Variants in CD247 observed in about 807,000 individuals in gnomAD.
CD247 encodes the protein CD247 molecule.
CD247 carries 13 observed loss-of-function variants against 30.0 expected under a neutral mutation model. The observed-to-expected ratio is 0.43, with a 90% confidence interval of 0.28 to 0.69. The LOEUF (loss-of-function observed/expected upper bound fraction) is 0.69. CD247 is among the 30% of genes least tolerant of loss of function. The pLI is 0.16. For synonymous variants in CD247, 72 were observed against 80.0 expected (o/e 0.90, Z 0.53); for missense variants, 193 against 212.6 (o/e 0.91, Z 0.57).
chr1:167,514,603 C>T (rs1218442840), intron 1 of CD247, among the ~76,000 whole-genome samples: 2 of 149,394 alleles, frequency 1.3e-5, no homozygotes, highest in Admixed American at 6.7e-5. Context: ...GTCTAATGAC[C>T]GGTTTAATTT....
rs529795609 is a variant in CD247, at chr1:167,433,922, A to C, written c.393+98T>G. ...TGATGGCCACCACATGGGCATTTGC[A>C]GCTGGGATGAGAAGTGGATGGGAAA... On this transcript the variant is annotated intron_variant, in intron 6 of 7. Coordinates refer to ENST00000362089, the MANE Select transcript of CD247 (RefSeq NM_198053.3). The C allele has an allele frequency of 2.7e-6, 3 of 1,105,602 alleles. No homozygotes were observed. The South Asian group carries it at 3.7e-5, about 14-fold the overall frequency. 68.5% of individuals were successfully genotyped at this position (1,105,602 alleles called of 1,614,324 possible). A position where few individuals can be genotyped will look rare whatever the true frequency, so the allele number is the denominator to read the frequency against.
chr1:167,452,039 A>G (rs1339485531), intron 1 of CD247, among the ~76,000 whole-genome samples: 2 of 152,204 alleles, frequency 1.3e-5, no homozygotes, highest in African/African-American at 4.8e-5. Context: ...CCTGGCCAAC[A>G]TGGCTAAACC....
intron 1 of CD247, among the ~76,000 whole-genome samples, chr1:167,516,732 T>A (rs1655620176): frequency 6.6e-6 from 1 of 152,190 alleles, no homozygotes; most frequent in Admixed American, 6.5e-5. Context: ...TAAGTGGCAC[T>A]GAGAAGCAAA....
intron 4 of CD247, among the ~76,000 whole-genome samples, chr1:167,436,581 A>G (rs184604990): frequency 4.6e-5 from 7 of 152,368 alleles, no homozygotes; most frequent in African/African-American, 1.4e-4. Context: ...ATTGGACCTT[A>G]TCTCACACCG....
At chr1:167,476,616 A>C (rs1351289818) in intron 1 of CD247, among the ~76,000 whole-genome samples, 1 of 152,192 alleles carries the variant, frequency 6.6e-6, no homozygotes, top group Non-Finnish European at 1.5e-5. Context: ...TGAGCTGAGA[A>C]GTTTGAGACC....
chr1:167,513,443 T>C (rs1240623945), intron 1 of CD247, among the ~76,000 whole-genome samples: 1 of 152,202 alleles, frequency 6.6e-6, no homozygotes, highest in Non-Finnish European at 1.5e-5. Context: ...CCGTCAGTGA[T>C]TTTTATATCT....
intron 1 of CD247, among the ~76,000 whole-genome samples, chr1:167,450,167 AAGCTTT>A (rs1298095347): frequency 3.3e-5 from 5 of 152,132 alleles, no homozygotes; most frequent in African/African-American, 1.2e-4. Context: ...TTCATTCCTA[AAGCTTT>A]TTACAGGATT....
intron 5 of CD247, chr1:167,434,606 G>GCA (rs200283868): frequency 2.5e-5 from 9 of 365,300 alleles, no homozygotes; most frequent in Admixed American, 7.2e-5. Context: ...CCTTCCTATA[G>GCA]GGGGGTACAC....
chr1:167,462,322 A>G (rs1162032956), intron 1 of CD247, among the ~76,000 whole-genome samples: 1 of 152,234 alleles, frequency 6.6e-6, no homozygotes, highest in Non-Finnish European at 1.5e-5. Flanking sequence ...CTGTGACCAT[A>G]GAAGAGGCCT....
intron 1 of CD247, among the ~76,000 whole-genome samples, chr1:167,512,657 T>C (rs1655438574): frequency 6.6e-6 from 1 of 152,212 alleles, no homozygotes; most frequent in South Asian, 2.1e-4. Context: ...ATTTTGCAGA[T>C]TGGGAAACTG....
At chr1:167,438,759 G>C in intron 3 of CD247, 109 bp from the exon 4 acceptor site, 1 of 850,876 alleles carries the variant, frequency 1.2e-6, no homozygotes. Flanking sequence ...CATAAAAAGA[G>C]GGGCAGGGGC....
intron 1 of CD247, chr1:167,457,621 C>G (rs1652760793): frequency 6.6e-6 from 1 of 152,290 alleles, no homozygotes; most frequent in African/African-American, 2.4e-5. Context: ...TTGCCCAGAG[C>G]TCTCCATCCA....
At chr1:167,486,614 C>A (rs959966989) in intron 1 of CD247, among the ~76,000 whole-genome samples, 3 of 152,248 alleles carry the variant, frequency 2.0e-5, no homozygotes, top group African/African-American at 7.2e-5. Flanking sequence ...CTGTTTCCCA[C>A]GCTTCAGAGG....
intron 1 of CD247, among the ~76,000 whole-genome samples, chr1:167,472,890 T>A (rs958198468): frequency 1.3e-5 from 2 of 152,196 alleles, no homozygotes; most frequent in Non-Finnish European, 2.9e-5. Context: ...GAGAGGATTC[T>A]TTGTGTGTCC....
chr1:167,518,022 C>T (rs916844265), intron 1 of CD247, among the ~76,000 whole-genome samples: 1 of 152,182 alleles, frequency 6.6e-6, no homozygotes, highest in African/African-American at 2.4e-5. Context: ...GGGACTAGAA[C>T]GTCGCAGCAC....
At chr1:167,491,132 G>A (rs566598536) in intron 1 of CD247, among the ~76,000 whole-genome samples, 11 of 152,110 alleles carry the variant, frequency 7.2e-5, no homozygotes, top group Admixed American at 1.3e-4. Flanking sequence ...CCCTTTACTC[G>A]TTGGAATGGC....
At chr1:167,462,331 C>T (rs1466538388) in intron 1 of CD247, among the ~76,000 whole-genome samples, 2 of 152,234 alleles carry the variant, frequency 1.3e-5, no homozygotes, top group Admixed American at 6.5e-5. Flanking sequence ...TAGAAGAGGC[C>T]TCTGTGGGCC....
intron 1 of CD247, among the ~76,000 whole-genome samples, chr1:167,480,283 C>G (rs1333061537): frequency 6.6e-6 from 1 of 151,842 alleles, no homozygotes; most frequent in African/African-American, 2.4e-5. Context: ...AATGGGAAAC[C>G]GTTTAGAAAG....
At chr1:167,480,645 G>A (rs1407287827) in intron 1 of CD247, among the ~76,000 whole-genome samples, 1 of 152,208 alleles carries the variant, frequency 6.6e-6, no homozygotes, top group Non-Finnish European at 1.5e-5. Flanking sequence ...TTTGGAGGAT[G>A]GTTTAAGCAA....
Sources: allele counts gnomAD v4.1 joint callset (sites outside exome capture counted in the v4.1 genomes callset), GRCh38; gene constraint gnomAD v4.1.1; transcripts MANE v1.5; gene names NCBI Gene and HGNC (gene_info 2026-07-23, HGNC 2026-07-21).